Variants in PDSS1 observed in about 807,000 individuals in gnomAD.
PDSS1 encodes the protein decaprenyl diphosphate synthase subunit 1.
In PDSS1, 43 loss-of-function variants were observed where a neutral mutation model predicts 57.5. That is an observed-to-expected ratio of 0.75 (90% confidence interval 0.59 to 0.96). PDSS1 has a LOEUF of 0.96. Ranked by LOEUF, PDSS1 falls within the 50% of genes least tolerant of loss-of-function variation. The pLI is 0.00. For missense variants in PDSS1, 438 were observed against 527.8 expected (o/e 0.83, Z 1.67); for synonymous variants, 175 against 191.3 (o/e 0.91, Z 0.70).
At chr10:26,727,633 T>C (rs373813913) in intron 8 of PDSS1, among the ~76,000 whole-genome samples, 2 of 151,962 alleles carry the variant, frequency 1.3e-5, no homozygotes, top group East Asian at 3.9e-4. Context: ...GTAGCTGGGA[T>C]TACAGGTGCA....
intron 5 of PDSS1, among the ~76,000 whole-genome samples, chr10:26,716,278 T>C (rs2132248590): frequency 6.6e-6 from 1 of 152,348 alleles, no homozygotes; most frequent in African/African-American, 2.4e-5. Flanking sequence ...TCACATTTTA[T>C]ATTAGTATGA....
At chr10:26,718,334 A>ATC (rs1835667764) in intron 5 of PDSS1, among the ~76,000 whole-genome samples, 1 of 151,954 alleles carries the variant, frequency 6.6e-6, no homozygotes, top group African/African-American at 2.4e-5. Flanking sequence ...GGAACCTGTA[A>ATC]CTGTGCCTAG....
rs1253086731 is a variant in PDSS1, at chr10:26,712,212, G to C, written c.467+2444G>C. Among the ~76,000 whole-genome samples, 4 of 97,686 alleles carry C rather than the reference G, an allele frequency of 4.1e-5. 2 individuals carry two copies. Among genetic ancestry groups the C allele is most frequent in the African/African-American group, 1.3e-4 (4 of 30,112 alleles). 64.1% of individuals were successfully genotyped at this position (97,686 alleles called of 152,430 possible). ...GATAGGATTTCGCCATGTTGGCCAGGCTGGTCTCGAACACCTGGCCTCAGG... is the reference window on the plus strand; with the variant it reads ...GATAGGATTTCGCCATGTTGGCCAGCCTGGTCTCGAACACCTGGCCTCAGG... On this transcript the variant is annotated intron_variant, in intron 5 of 11. Coordinates refer to ENST00000376215, the MANE Select transcript of PDSS1 (RefSeq NM_014317.5).
rs766620159 is a variant in PDSS1, at chr10:26,746,286, TTCAG to T, written c.1108-41_1108-38del. 21 of 1,604,270 alleles carry T rather than the reference TTCAG, an allele frequency of 1.3e-5. No individual in the cohort carries two copies. The African/African-American group carries it at 1.9e-4, about 14-fold the overall frequency. On this transcript the variant is annotated intron_variant, in intron 11 of 11. Transcript: ENST00000376215. ...TTATAGCAGGAAGTTAAAACGCTGA[TTCAG>T]TCAGTGACAGGCATCTGTTCTGTTT...
In PDSS1 at chr10:26,711,104, C is replaced by T. The variant is rs1401321883; in HGVS notation, c.467+1336C>T. ...ATCCACCACAACTCTGTTTTCTGGA[C>T]GTGTCAAGTCTGAGTTATCTGTTGC... On this transcript the variant is annotated intron_variant, in intron 5 of 11. Transcript: ENST00000376215. 2.1e-5 allele frequency among the ~76,000 whole-genome samples: 2 copies of T among 96,438 alleles called. 1 individual carries two copies. Among genetic ancestry groups the T allele is most frequent in the African/African-American group, 6.8e-5 (2 of 29,504 alleles). 63.3% of individuals were successfully genotyped at this position (96,438 alleles called of 152,430 possible).
chr10:26,705,528 C>T (rs989810193), intron 4 of PDSS1, 134 bp downstream of exon 4: 96 of 386,566 alleles, frequency 2.5e-4, no homozygotes, highest in Non-Finnish European at 9.7e-5. Flanking sequence ...GGCTTGAGTG[C>T]AGCGGTGCAA....
chr10:26,733,184 A>G (rs1564432895), intron 8 of PDSS1, among the ~76,000 whole-genome samples: 1 of 152,194 alleles, frequency 6.6e-6, no homozygotes, highest in African/African-American at 2.4e-5. Context: ...TAATCTCACT[A>G]CAGGAGACTG....
intron 8 of PDSS1, among the ~76,000 whole-genome samples, chr10:26,734,290 T>TCCG (rs1836313069): frequency 6.6e-6 from 1 of 152,206 alleles, no homozygotes; most frequent in Non-Finnish European, 1.5e-5. Flanking sequence ...TTTCCTAGCA[T>TCCG]CCGCGAGCCT....
At chr10:26,706,883 C>T (rs1835241353) in intron 4 of PDSS1, among the ~76,000 whole-genome samples, 1 of 152,144 alleles carries the variant, frequency 6.6e-6, no homozygotes, top group Admixed American at 6.5e-5. Context: ...ACTGAGGGGC[C>T]TAAGGCAGAA....
chr10:26,736,756 C>T (rs963290602), intron 10 of PDSS1, among the ~76,000 whole-genome samples: 1 of 152,190 alleles, frequency 6.6e-6, no homozygotes, highest in African/African-American at 2.4e-5. Flanking sequence ...GGCTTCCATC[C>T]TCTCAAACTT....
intron 11 of PDSS1, among the ~76,000 whole-genome samples, chr10:26,745,199 G>A (rs1836794541): frequency 6.6e-6 from 1 of 151,906 alleles, no homozygotes; most frequent in Non-Finnish European, 1.5e-5. Flanking sequence ...AATGTCAGAG[G>A]GATCATGAGC....
intron 4 of PDSS1, among the ~76,000 whole-genome samples, chr10:26,707,259 T>C (rs1835263933): frequency 6.6e-6 from 1 of 152,194 alleles, no homozygotes; most frequent in Non-Finnish European, 1.5e-5. Context: ...ATTTTGCCTC[T>C]TAGTGTGCAT....
At chr10:26,721,363 T>C (rs1195225917) in intron 6 of PDSS1, among the ~76,000 whole-genome samples, 3 of 151,424 alleles carry the variant, frequency 2.0e-5, no homozygotes, top group Non-Finnish European at 4.4e-5. Flanking sequence ...TCTCATAGAT[T>C]TATAGTATTC....
Position 26,745,118 on chromosome 10 carries a change from C to T in PDSS1, c.1108-1215C>T, listed in dbSNP as rs537742096. Among the ~76,000 whole-genome samples the T allele has an allele frequency of 3.9e-5, 6 of 152,068 alleles. No individual in the cohort carries two copies. The South Asian group carries it at 1.2e-3, about 32-fold the overall frequency. On this transcript the variant is annotated intron_variant, in intron 11 of 11. Coordinates refer to ENST00000376215, the MANE Select transcript of PDSS1 (RefSeq NM_014317.5). ...GGCAGAGGTTGCAGTGAGCCAAGATCACGCCACTGCATTCCAGCCTGGGCG... is the reference window on the plus strand; with the variant it reads ...GGCAGAGGTTGCAGTGAGCCAAGATTACGCCACTGCATTCCAGCCTGGGCG...
chr10:26,734,582 G>A (rs948310770), intron 8 of PDSS1: 4 of 436,316 alleles, frequency 9.2e-6, no homozygotes, highest in African/African-American at 8.2e-5. Flanking sequence ...TTTTTATACA[G>A]TTACTTCTTT....
At position 26,724,099 on chromosome 10, in the gene PDSS1, C is replaced by T; in HGVS notation, c.807C>T (p.Ser269=). The change falls in exon 8 of 12, where the codon AGC becomes AGT. Residue 269 remains serine (S), a synonymous_variant. Coordinates refer to ENST00000376215, the MANE Select transcript of PDSS1 (RefSeq NM_014317.5). Reference sequence around the variant, plus strand: ...AGAAGACATTCAAGAAGACCGCCAGCCTGATAGCCAACAGTTGTAAAGCAG... The same window carrying T: ...AGAAGACATTCAAGAAGACCGCCAGTCTGATAGCCAACAGTTGTAAAGCAG... ...YLEKTFKKTA[S]LIANSCKAVS... 6.2e-7 allele frequency: 1 copy of T among 1,611,838 alleles called. No individual in the cohort carries two copies. Among genetic ancestry groups the T allele is most frequent in the Non-Finnish European group, 8.5e-7 (1 of 1,177,950 alleles).
Position 26,720,203 on chromosome 10 carries a change from C to T in PDSS1, c.468-15C>T. The T allele has an allele frequency of 6.2e-7, 1 of 1,612,380 alleles. No homozygotes were observed. The highest frequency in any genetic ancestry group is 8.5e-7 in the Non-Finnish European group (1 of 1,179,962). On this transcript the variant is annotated splice_polypyrimidine_tract_variant and intron_variant, in intron 5 of 11. Transcript: ENST00000376215. ...AGGCGGCGTCTGTTAAAAAGCATTG[C>T]TTTCTGTTAATTAGACATGTGCAAG...
chr10:26,733,217 G>A (rs139502510), intron 8 of PDSS1, among the ~76,000 whole-genome samples: 12 of 152,230 alleles, frequency 7.9e-5, no homozygotes, highest in Non-Finnish European at 1.6e-4. Flanking sequence ...TTATTTCTAC[G>A]TGGAAATATC....
intron 6 of PDSS1, among the ~76,000 whole-genome samples, chr10:26,723,391 C>T (rs1309763284): frequency 6.6e-6 from 1 of 152,112 alleles, no homozygotes; most frequent in Non-Finnish European, 1.5e-5. Context: ...AGCTGCTCTC[C>T]CTCTCCAGGC....
Sources: gnomAD v4.1 joint callset for allele counts (sites outside exome capture counted in the v4.1 genomes callset) on GRCh38, gnomAD v4.1.1 for gene constraint, MANE v1.5 for transcripts, NCBI Gene and HGNC (gene_info 2026-07-23, HGNC 2026-07-21) for gene names.